Variants in SLX9 observed in about 807,000 individuals in gnomAD.
SLX9 encodes the protein SLX9 ribosome biogenesis factor.
Under a neutral mutation model 20.8 loss-of-function variants are expected in SLX9, and 19 were observed. That is an observed-to-expected ratio of 0.91 (90% CI 0.64 to 1.34). SLX9 has a LOEUF of 1.34. Among genes scored for constraint, SLX9 ranks in the 40% most tolerant of loss-of-function variants. SLX9 has a pLI of 0.00. For synonymous variants in SLX9, 113 were observed against 137.1 expected (o/e 0.82, Z 1.23); for missense variants, 299 against 322.2 (o/e 0.93, Z 0.55).
intron 3 of SLX9, among the ~76,000 whole-genome samples, chr21:44,966,404 C>T (rs1358919175): frequency 6.6e-6 from 1 of 152,212 alleles, no homozygotes; most frequent in Non-Finnish European, 1.5e-5. Flanking sequence ...CTCCAGGAGC[C>T]ACGTGCAGTG....
intron 2 of SLX9, among the ~76,000 whole-genome samples, chr21:44,948,329 C>T (rs548667350): frequency 1.9e-4 from 23 of 119,990 alleles, no homozygotes; most frequent in African/African-American, 8.0e-4. Context: ...CGTGGAGCAT[C>T]GGGCGTCCGG....
intron 3 of SLX9, among the ~76,000 whole-genome samples, chr21:44,961,724 C>G (rs1329717930): frequency 6.6e-6 from 1 of 152,144 alleles, no homozygotes; most frequent in Admixed American, 6.5e-5. Flanking sequence ...GAAGTTTTGT[C>G]TCTTCCATTT....
intron 2 of SLX9, among the ~76,000 whole-genome samples, chr21:44,953,332 C>G (rs1487747830): frequency 6.6e-6 from 1 of 152,184 alleles, no homozygotes; most frequent in African/African-American, 2.4e-5. Context: ...TTGCGAGGTT[C>G]CCTAGGTGGG....
intron 2 of SLX9, among the ~76,000 whole-genome samples, chr21:44,944,310 C>T (rs969297829): frequency 2.0e-5 from 3 of 152,200 alleles, no homozygotes; most frequent in Non-Finnish European, 2.9e-5. Context: ...GATCCATGCG[C>T]AGCCCTTCCC....
chr21:44,952,187 G>C (rs2146629665), intron 2 of SLX9, among the ~76,000 whole-genome samples: 1 of 152,326 alleles, frequency 6.6e-6, no homozygotes, highest in East Asian at 1.9e-4. Flanking sequence ...GTTCACTCAG[G>C]TTCACTCAGG....
At chr21:44,948,582 C>T (rs2084693677) in intron 2 of SLX9, among the ~76,000 whole-genome samples, 14 of 152,024 alleles carry the variant, frequency 9.2e-5, no homozygotes, top group Admixed American at 9.2e-4. Flanking sequence ...GACTCAGAGC[C>T]GGGTGGGGCT....
intron 3 of SLX9, among the ~76,000 whole-genome samples, chr21:44,963,176 C>A (rs2084975515): frequency 6.6e-6 from 1 of 151,608 alleles, no homozygotes; most frequent in African/African-American, 2.4e-5. Flanking sequence ...GCAAGCAACA[C>A]CTCCTGGGTT....
At chr21:44,973,031 C>A in intron 4 of SLX9, 166 bp from the exon 5 acceptor site, 1 of 169,540 alleles carries the variant, frequency 5.9e-6, no homozygotes, top group Non-Finnish European at 8.7e-6. Context: ...GTCCAGGTCT[C>A]GCCTCCATGG....
In SLX9 at chr21:44,951,938, CT is replaced by C. The variant is rs1568932940; in HGVS notation, c.283+8102del. 2.3e-5 allele frequency among the ~76,000 whole-genome samples: 3 copies of C among 131,872 alleles called. No individual in the cohort carries two copies. In the South Asian group the frequency reaches 6.2e-4, roughly 27 times the overall value. The allele number at this position is 131,872 out of a possible 152,430, so 86.5% of individuals were successfully genotyped here. A position where few individuals can be genotyped will look rare whatever the true frequency, so the allele number is the denominator to read the frequency against. On this transcript the variant is annotated intron_variant, in intron 2 of 5. Transcript: ENST00000291634. ...TGGCCCAGGCGGGTGTGGGCTGCAC[CT>C]GTGCCTGAGGATCACGGTGACTCCA...
At position 44,960,183 on chromosome 21, in the gene SLX9, G is replaced by A; in HGVS notation, c.352+15G>A. 1 of 1,613,604 alleles carries A rather than the reference G, an allele frequency of 6.2e-7. No homozygotes were observed. The highest frequency in any genetic ancestry group is 8.5e-7 in the Non-Finnish European group (1 of 1,179,472). Reference sequence around the variant, plus strand: ...ATGGTTGCAGAGTAAGTCCATGCCTGCGTCTTGAGGCAGCTGCCGGCCCAA... The same window carrying A: ...ATGGTTGCAGAGTAAGTCCATGCCTACGTCTTGAGGCAGCTGCCGGCCCAA... On this transcript the variant is annotated intron_variant, in intron 3 of 5. Transcript: ENST00000291634.
At chr21:44,969,227 C>T (rs892532611) in intron 4 of SLX9, 19 of 469,400 alleles carry the variant, frequency 4.0e-5, no homozygotes, top group African/African-American at 2.8e-4. Flanking sequence ...GCTGGCATCC[C>T]GCGGCGGAGG....
At chr21:44,954,794 C>A (rs766399045) in intron 2 of SLX9, among the ~76,000 whole-genome samples, 2 of 152,168 alleles carry the variant, frequency 1.3e-5, no homozygotes, top group South Asian at 4.1e-4. Context: ...CCCTGGATGG[C>A]GGTGCCTGGT....
At chr21:44,951,770 C>T (rs920692903) in intron 2 of SLX9, among the ~76,000 whole-genome samples, 4 of 152,154 alleles carry the variant, frequency 2.6e-5, no homozygotes, top group Admixed American at 6.5e-5. Context: ...GCCTGCTGCA[C>T]GTGCCAATCA....
chr21:44,958,702 C>A (rs979632981), intron 2 of SLX9, among the ~76,000 whole-genome samples: 1 of 152,220 alleles, frequency 6.6e-6, no homozygotes, highest in Admixed American at 6.5e-5. Context: ...AGCTGGGGGT[C>A]GTGGGGCCGC....
intron 4 of SLX9, among the ~76,000 whole-genome samples, chr21:44,971,994 C>T (rs932825310): frequency 6.6e-6 from 1 of 152,148 alleles, no homozygotes; most frequent in African/African-American, 2.4e-5. Flanking sequence ...GATTCCTTCC[C>T]CAGATCAGCG....
At chr21:44,943,512 G>C (rs913764624) in intron 1 of SLX9, among the ~76,000 whole-genome samples, 172 bp from the exon 2 acceptor site, 2 of 152,186 alleles carry the variant, frequency 1.3e-5, no homozygotes, top group African/African-American at 4.8e-5. Flanking sequence ...CTCTGGAACC[G>C]GAGGCTTCTG....
At position 44,972,980 on chromosome 21, in the gene SLX9, G is replaced by T. The variant is rs540921431; in HGVS notation, c.501-217G>T. 4.2e-4 allele frequency: 260 copies of T among 623,528 alleles called. 7 individuals carry two copies. In the South Asian group the frequency reaches 4.6e-3, roughly 11 times the overall value. 38.6% of individuals were successfully genotyped at this position (623,528 alleles called of 1,614,324 possible). A position where few individuals can be genotyped will look rare whatever the true frequency, so the allele number is the denominator to read the frequency against. ...GGACGGTCAGGCAGTTGCACTGCTTGTCCGGGGCGGTCACAGGACGGTCAG... is the reference window on the plus strand; with the variant it reads ...GGACGGTCAGGCAGTTGCACTGCTTTTCCGGGGCGGTCACAGGACGGTCAG... On this transcript the variant is annotated intron_variant, in intron 4 of 5. Transcript: ENST00000291634.
chr21:44,972,280 T>G (rs953482243), intron 4 of SLX9, among the ~76,000 whole-genome samples: 3 of 152,118 alleles, frequency 2.0e-5, no homozygotes, highest in African/African-American at 7.2e-5. Context: ...ATGTGAACAT[T>G]CGGCCAGGTG....
intron 5 of SLX9, among the ~76,000 whole-genome samples, chr21:44,973,875 C>T (rs1037187431): frequency 1.3e-5 from 2 of 152,176 alleles, no homozygotes; most frequent in African/African-American, 2.4e-5. Context: ...GGTCAAGTCC[C>T]GCCTCCCAGG....
Sources: gnomAD v4.1 joint callset for allele counts (sites outside exome capture counted in the v4.1 genomes callset) on GRCh38, gnomAD v4.1.1 for gene constraint, MANE v1.5 for transcripts, NCBI Gene and HGNC (gene_info 2026-07-23, HGNC 2026-07-21) for gene names.